The following MEI4 variants were observed in gnomAD, a reference collection of about 807,000 sequenced individuals.
MEI4 encodes meiosis-specific protein MEI4.
A neutral mutation model predicts 31.4 loss-of-function variants in MEI4; 27 were observed. The ratio of observed to expected loss-of-function variants is 0.86; its 90% CI spans 0.63 to 1.19. MEI4 has a LOEUF of 1.19. MEI4 is among the 50% of genes most tolerant of loss of function. The pLI, the probability that MEI4 is intolerant of heterozygous loss-of-function variation, is 0.00. For missense variants in MEI4, 329 were observed against 398.9 expected, an observed-to-expected ratio of 0.82 and a Z score of 1.49; for synonymous variants, 122 against 145.4, an observed-to-expected ratio of 0.84 and a Z score of 1.16.
chr6:77,873,891 G>T (rs201146728), intron 4 of MEI4, among the ~76,000 whole-genome samples: 12,775 of 152,046 alleles, frequency 0.084, 660 homozygotes, highest in East Asian at 0.13. Flanking sequence ...TTTTTCTCAG[G>T]TTTGTCAAAG....
chr6:77,868,845 G>T (rs910065034), intron 4 of MEI4, among the ~76,000 whole-genome samples: 1 of 151,940 alleles, frequency 6.6e-6, no homozygotes, highest in Non-Finnish European at 1.5e-5. Flanking sequence ...CATCCCTGAG[G>T]TCCCAACCAG....
At chr6:77,790,600 T>C (rs978674203) in intron 3 of MEI4, among the ~76,000 whole-genome samples, 1 of 152,004 alleles carries the variant, frequency 6.6e-6, no homozygotes, top group Non-Finnish European at 1.5e-5. Context: ...TATTGAAAAC[T>C]TCCCAAATCT....
chr6:77,710,337 C>T (rs893914563), intron 2 of MEI4, among the ~76,000 whole-genome samples: 20 of 151,812 alleles, frequency 1.3e-4, no homozygotes, highest in Non-Finnish European at 2.5e-4. Flanking sequence ...TCCTGGCCAA[C>T]GTGGTGAAAC....
At position 77,820,734 on chromosome 6, in the gene MEI4, A is replaced by G. The variant is rs1769803557; in HGVS notation, c.769-8197A>G. Among the ~76,000 whole-genome samples the G allele has an allele frequency of 6.6e-6, 1 of 151,966 alleles. No homozygotes were observed. On this transcript the variant is annotated intron_variant, in intron 3 of 4. Transcript: ENST00000684080. This position sits in a 1 kb window ranked among gnomAD's most constrained non-coding sequence, Gnocchi z 4.5. ...GACAGTAGTTTGAAGATACTAGATCAAAGATGTATGGCTTTTATTGTTGCT... is the reference window on the plus strand; with the variant it reads ...GACAGTAGTTTGAAGATACTAGATCGAAGATGTATGGCTTTTATTGTTGCT...
chr6:77,727,679 A>C (rs947004426), intron 2 of MEI4, among the ~76,000 whole-genome samples: 1 of 152,232 alleles, frequency 6.6e-6, no homozygotes, highest in Non-Finnish European at 1.5e-5. Flanking sequence ...TTCACAGTGA[A>C]GTTTTTGATA....
chr6:77,716,813 T>C (rs146332448), intron 2 of MEI4: 6 of 933,028 alleles, frequency 6.4e-6, no homozygotes, highest in East Asian at 1.2e-4. Flanking sequence ...CATGTGGAAG[T>C]TGAACAAGGA....
intron 3 of MEI4, among the ~76,000 whole-genome samples, chr6:77,804,870 T>C (rs1036178380): frequency 2.0e-5 from 3 of 152,212 alleles, no homozygotes; most frequent in African/African-American, 7.2e-5. Flanking sequence ...TCTTATTTAA[T>C]AGAGTTTTAG....
rs745523785 is a variant in MEI4, at chr6:77,761,650, C to T, written c.753C>T (p.Asn251=). 20 of 1,231,142 alleles carry T rather than the reference C, an allele frequency of 1.6e-5. No homozygotes were observed. Among genetic ancestry groups the T allele is most frequent in the Non-Finnish European group, 1.9e-5 (19 of 987,302 alleles). 76.3% of individuals were successfully genotyped at this position (1,231,142 alleles called of 1,614,324 possible). ...CCCTACTACATGCTATTTTAGGAAACAATCATATAAATCAGGTGAGTAATA... is the reference window on the plus strand; with the variant it reads ...CCCTACTACATGCTATTTTAGGAAATAATCATATAAATCAGGTGAGTAATA... ...EKTLLHAILG[N]NHINQFQVQH... is the part of the protein sequence containing the mutation. The change falls in exon 3 of 5, where the codon AAC becomes AAT. Residue 251 remains asparagine, a synonymous_variant. Coordinates refer to ENST00000684080, the MANE Select transcript of MEI4 (RefSeq NM_001322247.2).
At position 77,720,605 on chromosome 6, in the gene MEI4, G is replaced by A. The variant is rs1467777253; in HGVS notation, c.232+29702G>A. On this transcript the variant is annotated intron_variant, in intron 2 of 4. Transcript: ENST00000684080. ...GGATTAACTCCTGCCTCTTGAGTGG[G>A]CAGGTGTAAGACTTGACACTGGGTG... 3.0e-4 allele frequency among the ~76,000 whole-genome samples: 42 copies of A among 138,734 alleles called. 5 individuals are homozygous for A. Among genetic ancestry groups the A allele is most frequent in the Admixed American group, 7.2e-4 (10 of 13,812 alleles). The allele number at this position is 138,734 out of a possible 152,430, so 91.0% of individuals were successfully genotyped here.
At chr6:77,690,209 G>T (rs1322847788) in intron 1 of MEI4, among the ~76,000 whole-genome samples, 1 of 151,894 alleles carries the variant, frequency 6.6e-6, no homozygotes, top group Non-Finnish European at 1.5e-5. Context: ...GGAAAGGAAG[G>T]ACTTAAATTT....
rs1766539033 is a variant in MEI4 at position 77,916,121 on chromosome 6, A to G, written c.901-6968A>G. Among the ~76,000 whole-genome samples, 2 of 152,022 alleles carry G rather than the reference A, an allele frequency of 1.3e-5. 1 individual carries two copies. Among genetic ancestry groups the G allele is most frequent in the South Asian group, 4.1e-4 (2 of 4,826 alleles). On this transcript the variant is annotated intron_variant, in intron 4 of 4. Coordinates refer to ENST00000684080, the MANE Select transcript of MEI4 (RefSeq NM_001322247.2). ...TAAAATTTAAGTTCTTTTTAATGCT[A>G]TCTATCTCATTGATACATTTCTCAT...
At chr6:77,806,690 T>G (rs555083535) in intron 3 of MEI4, among the ~76,000 whole-genome samples, 2 of 152,176 alleles carry the variant, frequency 1.3e-5, no homozygotes, top group Non-Finnish European at 2.9e-5. Context: ...TTTGAGGTCA[T>G]ATTTACTGAA....
chr6:77,923,613 C>CTAT lies in MEI4; in HGVS notation c.*272_*274dup, dbSNP rs533139188. 6.7e-5 allele frequency: 15 copies of CTAT among 225,104 alleles called. No homozygotes were observed. The highest frequency in any genetic ancestry group is 1.3e-4 in the Non-Finnish European group (15 of 115,770). 13.9% of individuals were successfully genotyped at this position (225,104 alleles called of 1,614,324 possible). A position where few individuals can be genotyped will look rare whatever the true frequency, so the allele number is the denominator to read the frequency against. On this transcript the variant is annotated 3_prime_UTR_variant, in exon 5 of 5. Transcript: ENST00000684080. ...TTATTTCACTCAATATAGTTTAGCTCTATTATTCTGTAAAATGGACCATTA... is the reference window on the plus strand; with the variant it reads ...TTATTTCACTCAATATAGTTTAGCTCTATTATTATTCTGTAAAATGGACCATTA...
At chr6:77,891,555 C>T (rs543487846) in intron 4 of MEI4, among the ~76,000 whole-genome samples, 3 of 152,112 alleles carry the variant, frequency 2.0e-5, no homozygotes, top group East Asian at 3.9e-4. Context: ...TTAACCTTTG[C>T]TCTCTTGTAT....
chr6:77,727,426 G>T (rs1206585108), intron 2 of MEI4, among the ~76,000 whole-genome samples: 2 of 152,154 alleles, frequency 1.3e-5, no homozygotes, highest in Non-Finnish European at 2.9e-5. Context: ...GTTATTTGAA[G>T]ATATATGTTT....
intron 4 of MEI4, among the ~76,000 whole-genome samples, chr6:77,894,891 G>A (rs1766047021): frequency 1.3e-5 from 2 of 152,188 alleles, no homozygotes. Flanking sequence ...GTTGGGCAGA[G>A]TTTGATGCTG....
rs556712425 is a variant in MEI4, at chr6:77,654,461, G to C, written c.-15+1369G>C. Among the ~76,000 whole-genome samples the C allele has an allele frequency of 3.3e-5, 5 of 151,154 alleles. No individual in the cohort carries two copies. In the East Asian group the frequency reaches 7.9e-4, roughly 24 times the overall value. ...CTGTATGGTACTGCCATTTTGGTTA[G>C]AGCAAATTCAGTAGACCTTCCTTAT... On this transcript the variant is annotated intron_variant, in intron 1 of 4. Transcript: ENST00000684080.
At chr6:77,702,539 C>G (rs2127657026) in intron 2 of MEI4, among the ~76,000 whole-genome samples, 1 of 152,194 alleles carries the variant, frequency 6.6e-6, no homozygotes, top group East Asian at 1.9e-4. Context: ...CTGCATATCT[C>G]TGGAATCTCT....
chr6:77,696,073 C>T (rs566759468), intron 2 of MEI4, among the ~76,000 whole-genome samples: 1 of 151,788 alleles, frequency 6.6e-6, no homozygotes, highest in African/African-American at 2.4e-5. Flanking sequence ...TTTGTCTGTT[C>T]TTGGTGTATA....
Sources: gnomAD v4.1 joint callset for allele counts (sites outside exome capture counted in the v4.1 genomes callset) on GRCh38, gnomAD v4.1.1 for gene constraint, Gnocchi (gnomAD v3.1) non-coding constraint, MANE v1.5 for transcripts, NCBI Gene and HGNC (gene_info 2026-07-23, HGNC 2026-07-21) for gene names.